Variants in GALNTL6 observed in about 807,000 individuals in gnomAD.
GALNTL6 encodes the protein polypeptide N-acetylgalactosaminyltransferase-like 6.
Under a neutral mutation model 73.7 loss-of-function variants are expected in GALNTL6, and 46 were observed. The ratio of observed to expected loss-of-function variants is 0.62; its 90% CI spans 0.49 to 0.80. The LOEUF is 0.80. Ranked by LOEUF, GALNTL6 falls within the 30% of genes least tolerant of loss-of-function variation. GALNTL6 has a pLI of 0.00. For missense variants in GALNTL6, 604 were observed against 755.0 expected, an observed-to-expected ratio of 0.80 and a Z score of 2.34; for synonymous variants, 259 against 263.7, an observed-to-expected ratio of 0.98 and a Z score of 0.17.
At chr4:172,540,491 T>G (rs899359042) in intron 5 of GALNTL6, among the ~76,000 whole-genome samples, 14 of 151,202 alleles carry the variant, frequency 9.3e-5, no homozygotes, top group African/African-American at 3.4e-4. Context: ...TGTAAAGAGG[T>G]TTATTCTGAG....
At chr4:172,213,349 A>G (rs1736393376) in intron 2 of GALNTL6, among the ~76,000 whole-genome samples, 1 of 152,180 alleles carries the variant, frequency 6.6e-6, no homozygotes, top group South Asian at 2.1e-4. Context: ...ACTGACTTCC[A>G]AAGTGGCTAT....
chr4:171,813,595 C>T lies in GALNTL6; in HGVS notation c.-565C>T, dbSNP rs1277282882. Reference sequence around the variant, plus strand: ...GAAGAGGAGATCAAAAAATATTGCCCTTTAGGTGCTCGTGATGGTCCTGTG... The same window carrying T: ...GAAGAGGAGATCAAAAAATATTGCCTTTTAGGTGCTCGTGATGGTCCTGTG... On this transcript the variant is annotated 5_prime_UTR_variant, in exon 1 of 13. Transcript: ENST00000506823. This position sits in a 1 kb window ranked among gnomAD's most constrained non-coding sequence, Gnocchi z 5.2. 2 of 152,362 alleles carry T rather than the reference C, an allele frequency of 1.3e-5. No individual in the cohort carries two copies. Among genetic ancestry groups the T allele is most frequent in the Admixed American group, 1.3e-4 (2 of 15,284 alleles). The allele number at this position is 152,362 out of a possible 1,614,324, so 9.4% of individuals were successfully genotyped here.
At chr4:172,988,339 G>A (rs1751388332) in intron 10 of GALNTL6, among the ~76,000 whole-genome samples, 1 of 152,148 alleles carries the variant, frequency 6.6e-6, no homozygotes, top group African/African-American at 2.4e-5. Context: ...TTGAGAGAGA[G>A]GATTTAGGGT....
chr4:172,110,036 T>C (rs1290216479), intron 2 of GALNTL6, among the ~76,000 whole-genome samples: 1 of 152,234 alleles, frequency 6.6e-6, no homozygotes, highest in Non-Finnish European at 1.5e-5. Context: ...TGGTGAGCTG[T>C]TCCTGTCTCT....
chr4:172,365,400 T>C (rs1031687351), intron 5 of GALNTL6, among the ~76,000 whole-genome samples: 1 of 152,178 alleles, frequency 6.6e-6, no homozygotes, highest in Non-Finnish European at 1.5e-5. Flanking sequence ...CATTAGCCAT[T>C]AGGCTGATGC....
intron 2 of GALNTL6, among the ~76,000 whole-genome samples, chr4:172,001,692 T>C (rs1156471088): frequency 6.6e-6 from 1 of 152,174 alleles, no homozygotes; most frequent in Non-Finnish European, 1.5e-5. Context: ...GTCCGCTCTA[T>C]GCAAGCACTA....
intron 2 of GALNTL6, among the ~76,000 whole-genome samples, chr4:172,087,701 T>TA (rs1339545364): frequency 6.6e-6 from 1 of 151,648 alleles, no homozygotes; most frequent in Non-Finnish European, 1.5e-5. Context: ...TGATTTTTTT[T>TA]ACAAGGATTT....
intron 5 of GALNTL6, among the ~76,000 whole-genome samples, chr4:172,525,213 T>TA (rs1410828875): frequency 3.3e-5 from 5 of 152,180 alleles, no homozygotes; most frequent in Non-Finnish European, 4.4e-5. Context: ...TTTTCATGGT[T>TA]AAAAAATATG....
At chr4:172,685,261 T>C (rs1215058435) in intron 5 of GALNTL6, among the ~76,000 whole-genome samples, 1 of 152,174 alleles carries the variant, frequency 6.6e-6, no homozygotes, top group South Asian at 2.1e-4. Context: ...TTAGTGAATC[T>C]TTTTCATTAG....
At chr4:172,301,598 C>T (rs989572720) in intron 3 of GALNTL6, among the ~76,000 whole-genome samples, 40 of 152,184 alleles carry the variant, frequency 2.6e-4, no homozygotes, top group Admixed American at 2.6e-4. Flanking sequence ...TCAGGACCCT[C>T]AGCTGCAGGT....
At chr4:172,417,837 T>C (rs1730899186) in intron 5 of GALNTL6, among the ~76,000 whole-genome samples, 1 of 152,182 alleles carries the variant, frequency 6.6e-6, no homozygotes, top group South Asian at 2.1e-4. Context: ...GCTACAGCAA[T>C]AATTAAAACC....
At chr4:172,287,818 G>A (rs1739317076) in intron 3 of GALNTL6, among the ~76,000 whole-genome samples, 1 of 152,168 alleles carries the variant, frequency 6.6e-6, no homozygotes, top group African/African-American at 2.4e-5. Flanking sequence ...CACTCTACAT[G>A]TGGAACTTCC....
At chr4:171,944,698 A>G (rs1738649202) in intron 2 of GALNTL6, among the ~76,000 whole-genome samples, 1 of 151,904 alleles carries the variant, frequency 6.6e-6, no homozygotes, top group Admixed American at 6.6e-5. Context: ...TGAGAAGGAA[A>G]ATGAGTCATC....
At chr4:173,002,216 G>A (rs991039992) in intron 10 of GALNTL6, among the ~76,000 whole-genome samples, 1 of 150,036 alleles carries the variant, frequency 6.7e-6, no homozygotes, top group East Asian at 2.0e-4. Context: ...ATGGTGAAAC[G>A]CTGTCTCTAC....
chr4:172,117,052 TA>T, intron 2 of GALNTL6, among the ~76,000 whole-genome samples: 1 of 152,302 alleles, frequency 6.6e-6, no homozygotes, highest in Middle Eastern at 3.4e-3. Flanking sequence ...TTATTTCTAT[TA>T]GTGCACTGCC....
At chr4:172,821,147 T>C (rs1551665) in intron 7 of GALNTL6, among the ~76,000 whole-genome samples, 29,784 of 152,190 alleles carry the variant, frequency 0.2, 3,704 homozygotes, top group African/African-American at 0.33. Flanking sequence ...TCTAATTAAC[T>C]CTATGTAATA....
chr4:172,582,734 TCACACACA>T (rs752708242), intron 5 of GALNTL6, among the ~76,000 whole-genome samples: 1 of 138,492 alleles, frequency 7.2e-6, no homozygotes, highest in Non-Finnish European at 1.5e-5. Flanking sequence ...CATTGGGAAA[TCACACACA>T]CACAGACACA....
chr4:172,492,083 A>C (rs1157169247), intron 5 of GALNTL6, among the ~76,000 whole-genome samples: 1 of 152,092 alleles, frequency 6.6e-6, no homozygotes, highest in Non-Finnish European at 1.5e-5. Flanking sequence ...TTCACTCATA[A>C]AGTCAGCATC....
At chr4:173,000,922 T>C (rs967312000) in intron 10 of GALNTL6, among the ~76,000 whole-genome samples, 1 of 152,206 alleles carries the variant, frequency 6.6e-6, no homozygotes, top group African/African-American at 2.4e-5. Context: ...TACCTCAGAA[T>C]GTAACCTTAT....
Sources: allele counts gnomAD v4.1 joint callset (sites outside exome capture counted in the v4.1 genomes callset), GRCh38; gene constraint gnomAD v4.1.1; non-coding constraint Gnocchi (gnomAD v3.1); transcripts MANE v1.5; gene names NCBI Gene and HGNC (gene_info 2026-07-23, HGNC 2026-07-21).